The following LENG8 variants were observed in gnomAD, a reference collection of about 807,000 sequenced individuals.
The protein encoded by LENG8 is leukocyte receptor cluster (LRC) member 8.
Under a neutral mutation model 102.1 loss-of-function variants are expected in LENG8, and 28 were observed. The ratio of observed to expected loss-of-function variants is 0.27; its 90% CI spans 0.20 to 0.38. The LOEUF (loss-of-function observed/expected upper bound fraction) is 0.38. LENG8 is among the 10% of genes least tolerant of loss of function. The pLI, the probability that LENG8 is intolerant of heterozygous loss-of-function variation, is 1.00. For missense variants in LENG8, 1,022 were observed against 1,113.9 expected, an observed-to-expected ratio of 0.92 and a Z score of 1.17; for synonymous variants, 531 against 456.7, an observed-to-expected ratio of 1.16 and a Z score of -2.07.
rs933657389 is a variant in LENG8 at position 54,460,256 on chromosome 19, C to T, written c.2241-510C>T. ...TTCAGGGAGCTCTGAGGACCTGGCT[C>T]GTGCTAGATGCTCAGTCAGTAGTGT... On this transcript the variant is annotated intron_variant, in intron 15 of 15. Transcript: ENST00000326764. 36 of 1,279,226 alleles carry T rather than the reference C, an allele frequency of 2.8e-5. No individual in the cohort carries two copies. The African/African-American group carries it at 3.5e-4, about 12-fold the overall frequency. The allele number at this position is 1,279,226 out of a possible 1,614,324, so 79.2% of individuals were successfully genotyped here.
At position 54,454,466 on chromosome 19, in the gene LENG8, C is replaced by G; in HGVS notation, c.463C>G (p.Gln155Glu). The G allele has an allele frequency of 6.2e-7, 1 of 1,613,148 alleles. No homozygotes were observed. The highest frequency in any genetic ancestry group is 8.5e-7 in the Non-Finnish European group (1 of 1,179,578). The change falls in exon 6 of 16, where the codon CAG becomes GAG. Residue 155 changes from glutamine to glutamate, a missense_variant. Physicochemically the swap from Gln to Glu is conservative, Grantham distance 29. Around this residue, in one of 7 missense-constraint regions of LENG8, gnomAD observed 343 missense variants for 320.2 expected, o/e 1.07. Transcript: ENST00000326764. ...VPGMDESMSY[Q>E]APPQQLPSAQ... ...CGGCATGGATGAGAGCATGTCCTACCAGGCTCCCCCTCAGCAGCTGCCGTC... is the reference window on the plus strand; with the variant it reads ...CGGCATGGATGAGAGCATGTCCTACGAGGCTCCCCCTCAGCAGCTGCCGTC...
intron 15 of LENG8, chr19:54,460,507 C>T (rs1410468541): frequency 1.5e-6 from 2 of 1,375,200 alleles, no homozygotes; most frequent in Non-Finnish European, 1.9e-6. Context: ...CTGGGCCCTT[C>T]CCTGCCCGTC....
Position 54,453,665 on chromosome 19 carries a change from C to A in LENG8, c.426+9C>A. On this transcript the variant is annotated intron_variant, in intron 5 of 15. Transcript: ENST00000326764. ...AAGGGACTCTGAACCAGGTAACATC[C>A]TAGCCCAGCTCCCATACCCTGCTCA... 1 of 1,593,656 alleles carries A rather than the reference C, an allele frequency of 6.3e-7. No individual in the cohort carries two copies. The highest frequency in any genetic ancestry group is 8.6e-7 in the Non-Finnish European group (1 of 1,162,704).
chr19:54,458,541 C>A lies in LENG8; in HGVS notation c.2240+20C>A. 6.2e-7 allele frequency: 1 copy of A among 1,613,984 alleles called. No individual in the cohort carries two copies. The highest frequency in any genetic ancestry group is 8.5e-7 in the Non-Finnish European group (1 of 1,179,872). On this transcript the variant is annotated intron_variant, in intron 15 of 15. Transcript: ENST00000326764. Reference sequence around the variant, plus strand: ...CAAAACGTATGTGGTGCCAAGCTCCCTTCTGCCTTTGCTCTTCCCATCCTT... The same window carrying A: ...CAAAACGTATGTGGTGCCAAGCTCCATTCTGCCTTTGCTCTTCCCATCCTT...
rs1467118011 is a variant in LENG8 at position 54,455,100 on chromosome 19, C to T, written c.821+8C>T. 1.2e-6 allele frequency: 2 copies of T among 1,614,056 alleles called. No individual in the cohort carries two copies. The highest frequency in any genetic ancestry group is 1.1e-5 in the South Asian group (1 of 91,084). On this transcript the variant is annotated splice_region_variant and intron_variant, in intron 7 of 15. Coordinates refer to ENST00000326764, the MANE Select transcript of LENG8 (RefSeq NM_052925.4). ...GAAAGTTCAGAACCACAGGTGACGT[C>T]TGCCCCCTTGCCCCGTCGCAGCCCC...
chr19:54,460,589 C>CG, intron 15 of LENG8, 177 bp from the exon 16 acceptor site: 7 of 1,413,944 alleles, frequency 5.0e-6, no homozygotes, highest in Non-Finnish European at 6.5e-6. Flanking sequence ...TCACTAACCC[C>CG]CCCCGGGCCC....
intron 15 of LENG8, chr19:54,459,746 G>A (rs2084434789): frequency 9.4e-7 from 1 of 1,064,128 alleles, no homozygotes; most frequent in Admixed American, 4.8e-5. Flanking sequence ...GCCAACTTCA[G>A]GGAGAGGCTG....
At chr19:54,459,711 C>CA (rs772894213) in intron 15 of LENG8, 12 of 1,029,580 alleles carry the variant, frequency 1.2e-5, no homozygotes, top group Non-Finnish European at 1.4e-5. Context: ...TTTGGAGACT[C>CA]ATTCTGGAAT....
In LENG8 at chr19:54,451,372, A is replaced by G. The variant is rs2083951786; in HGVS notation, c.28A>G (p.Ser10Gly). 1 of 1,614,098 alleles carries G rather than the reference A, an allele frequency of 6.2e-7. No homozygotes were observed. The highest frequency in any genetic ancestry group is 8.5e-7 in the Non-Finnish European group (1 of 1,180,032). The change falls in exon 2 of 16, where the codon AGC becomes GGC. Residue 10 changes from serine to glycine, a missense_variant. By Grantham distance (56) the Ser-to-Gly change is moderately conservative. Transcript: ENST00000326764. ...GGCGGCCAACGTGGGTGATCAACGT[A>G]GCACAGATTGGTTAGTGAGGCGAGA... is the stretch of plus-strand genomic sequence containing the variant. Reference protein sequence around the residue: MAANVGDQRSTDWSSQYSMV... With the variant: MAANVGDQRGTDWSSQYSMV...
chr19:54,455,852 C>T, intron 8 of LENG8, 115 bp from the exon 9 acceptor site: 2 of 1,174,540 alleles, frequency 1.7e-6, no homozygotes, highest in Non-Finnish European at 2.4e-6. Context: ...AGCTGAGCCG[C>T]CTGGGGTAAG....
chr19:54,457,206 G>C lies in LENG8; in HGVS notation c.1731+285G>C, dbSNP rs369227931. Among the ~76,000 whole-genome samples the C allele has an allele frequency of 4.5e-4, 68 of 152,382 alleles. No homozygotes were observed. The East Asian group carries it at 0.012, about 27-fold the overall frequency. ...GAGCATAAAGCCTTCTCCCAGGCCC[G>C]TGGGCTGTGGGGCGTGGGGGGCTGT... On this transcript the variant is annotated intron_variant, in intron 11 of 15. Coordinates refer to ENST00000326764, the MANE Select transcript of LENG8 (RefSeq NM_052925.4).
intron 15 of LENG8, 47 bp from the exon 16 acceptor site, chr19:54,460,719 G>GGGCCCCCCCCCCCC: frequency 2.6e-6 from 2 of 778,918 alleles, no homozygotes; most frequent in South Asian, 2.1e-5. Context: ...GCCCTCCCCT[G>GGGCCCCCCCCCCCC]CCCTCCCGCC....
intron 4 of LENG8, 88 bp downstream of exon 4, chr19:54,452,840 TG>T: frequency 1.1e-6 from 1 of 902,964 alleles, no homozygotes; most frequent in East Asian, 2.4e-5. Flanking sequence ...GGGATGGGGC[TG>T]GGTGGTGGAT....
intron 15 of LENG8, chr19:54,459,843 G>A (rs2084440237): frequency 8.6e-7 from 1 of 1,160,414 alleles, no homozygotes; most frequent in South Asian, 1.7e-5. Flanking sequence ...TAGAAGGAAG[G>A]GGAGGCAGGA....
rs1487010194 is a variant in LENG8, at chr19:54,451,309, G to T, written c.-36G>T. On this transcript the variant is annotated 5_prime_UTR_variant, in exon 2 of 16. Transcript: ENST00000326764. The stretch of plus-strand genomic sequence containing the variant: ...TCATAGACAGTGAAAAAGCAGTCTG[G>T]CTCCCGAGGTCCACCCCTTATACCC... The T allele has an allele frequency of 6.2e-7, 1 of 1,612,854 alleles. No homozygotes were observed. The highest frequency in any genetic ancestry group is 1.7e-5 in the Admixed American group (1 of 60,018).
intron 15 of LENG8, chr19:54,458,731 C>T (rs1221823556): frequency 4.5e-6 from 7 of 1,551,230 alleles, no homozygotes; most frequent in East Asian, 4.9e-5. Flanking sequence ...GGTCACTCCT[C>T]TCCCTCTCCC....
chr19:54,455,333 C>A (rs774510647), intron 7 of LENG8, 31 bp from the exon 8 acceptor site: 2 of 1,610,060 alleles, frequency 1.2e-6, no homozygotes, highest in Non-Finnish European at 1.7e-6. Flanking sequence ...GGGATCGTCT[C>A]CAGCTGAGCC....
chr19:54,457,499 C>T (rs1458400114), intron 11 of LENG8, among the ~76,000 whole-genome samples: 1 of 152,190 alleles, frequency 6.6e-6, no homozygotes, highest in Non-Finnish European at 1.5e-5. Context: ...TGCCACTACG[C>T]CTGGCTGATT....
At chr19:54,450,159 T>C (rs1234652670) in intron 1 of LENG8, among the ~76,000 whole-genome samples, 3 of 152,210 alleles carry the variant, frequency 2.0e-5, no homozygotes, top group Non-Finnish European at 4.4e-5. Context: ...TTCTTTGGCA[T>C]TCCCAAAGCT....
Sources: allele counts gnomAD v4.1 joint callset (sites outside exome capture counted in the v4.1 genomes callset), GRCh38; gene constraint gnomAD v4.1.1; regional missense constraint gnomAD v4.1.1; transcripts MANE v1.5; gene names NCBI Gene and HGNC (gene_info 2026-07-23, HGNC 2026-07-21).